Variants in SPAG16 observed in about 807,000 individuals in gnomAD.
The protein encoded by SPAG16 is sperm associated antigen 16, also known as sperm-associated antigen 16 protein.
In SPAG16, 86 loss-of-function variants were observed where a neutral mutation model predicts 80.4. The ratio of observed to expected loss-of-function variants is 1.07; its 90% CI spans 0.90 to 1.28. The LOEUF (loss-of-function observed/expected upper bound fraction) is 1.28, where lower values mean the gene tolerates loss of function less well. Among genes scored for constraint, SPAG16 ranks in the 50% most tolerant of loss-of-function variants. The probability of loss-of-function intolerance (pLI) is 0.00; values close to 1 mark genes in which losing one functional copy is unlikely to be tolerated. For missense variants in SPAG16, 870 were observed against 765.3 expected, an observed-to-expected ratio of 1.14 and a Z score of -1.61; for synonymous variants, 294 against 265.9, an observed-to-expected ratio of 1.11 and a Z score of -1.03.
At chr2:213,773,490 A>G (rs1403772800) in intron 10 of SPAG16, among the ~76,000 whole-genome samples, 3 of 152,184 alleles carry the variant, frequency 2.0e-5, no homozygotes, top group East Asian at 3.8e-4. Flanking sequence ...TGCTCATGGC[A>G]TAATGGTAGT....
intron 10 of SPAG16, among the ~76,000 whole-genome samples, chr2:213,831,229 G>A (rs778422392): frequency 4.0e-5 from 6 of 151,228 alleles, no homozygotes; most frequent in Non-Finnish European, 5.9e-5. Context: ...TAGTAGAGAC[G>A]GGGTTTCACC....
chr2:214,170,179 T>G (rs9753526), intron 15 of SPAG16, among the ~76,000 whole-genome samples: 1 of 123,204 alleles, frequency 8.1e-6, no homozygotes, highest in Non-Finnish European at 1.6e-5. Context: ...GGGATACACA[T>G]ACACTTAGGT....
chr2:213,326,823 A>C (rs965820076), intron 5 of SPAG16, among the ~76,000 whole-genome samples: 3 of 152,028 alleles, frequency 2.0e-5, no homozygotes, highest in Non-Finnish European at 4.4e-5. Context: ...ATTCAAAAAT[A>C]CTTAAAACTG....
chr2:213,663,915 T>C (rs2063511380), intron 10 of SPAG16, among the ~76,000 whole-genome samples: 1 of 152,088 alleles, frequency 6.6e-6, no homozygotes, highest in Non-Finnish European at 1.5e-5. Context: ...TAGTTTTCCA[T>C]TGTCACTGCA....
intron 11 of SPAG16, among the ~76,000 whole-genome samples, chr2:213,903,622 G>C (rs2106134414): frequency 6.6e-6 from 1 of 152,270 alleles, no homozygotes; most frequent in East Asian, 1.9e-4. Context: ...GAAAACCTCT[G>C]ACATGCCCTG....
intron 10 of SPAG16, among the ~76,000 whole-genome samples, chr2:213,567,501 C>G (rs1166607971): frequency 8.5e-6 from 1 of 117,138 alleles, no homozygotes; most frequent in Non-Finnish European, 1.7e-5. Context: ...TTTGTTCTTG[C>G]GATAGTTTAC....
intron 13 of SPAG16, among the ~76,000 whole-genome samples, chr2:214,084,768 T>C (rs918199458): frequency 6.6e-6 from 1 of 152,228 alleles, no homozygotes; most frequent in African/African-American, 2.4e-5. Flanking sequence ...AAAATGTCAA[T>C]GCCATTTCAT....
intron 12 of SPAG16, among the ~76,000 whole-genome samples, chr2:213,946,399 C>CAT (rs2079474375): frequency 3.4e-4 from 51 of 152,162 alleles, no homozygotes; most frequent in African/African-American, 9.4e-4. Context: ...AGGCGTGAGC[C>CAT]ACTGTGCCCG....
chr2:214,019,790 G>C (rs1482535009), intron 13 of SPAG16, among the ~76,000 whole-genome samples: 1 of 152,094 alleles, frequency 6.6e-6, no homozygotes, highest in Non-Finnish European at 1.5e-5. Context: ...ATTTGATTTA[G>C]TAATGTTTAC....
chr2:213,418,491 A>G (rs2069399874), intron 9 of SPAG16, among the ~76,000 whole-genome samples: 1 of 152,152 alleles, frequency 6.6e-6, no homozygotes, highest in South Asian at 2.1e-4. Context: ...TTGGTTTGAT[A>G]ATATGTTTGA....
intron 14 of SPAG16, among the ~76,000 whole-genome samples, chr2:214,143,234 GTTTTTTTTT>G (rs59910884): frequency 8.9e-6 from 1 of 112,670 alleles, no homozygotes; most frequent in Admixed American, 9.6e-5. Context: ...ATAGTTTTGG[GTTTTTTTTT>G]TTTTTTTTTT....
At chr2:214,293,758 G>T (rs986079464) in intron 15 of SPAG16, among the ~76,000 whole-genome samples, 5 of 152,104 alleles carry the variant, frequency 3.3e-5, no homozygotes, top group Non-Finnish European at 7.4e-5. Flanking sequence ...AAAGTTCCTG[G>T]CCTTCCATCT....
rs1201280936 is a variant in SPAG16 at position 213,340,369 on chromosome 2, G to A, written c.644+99G>A. 12 of 838,740 alleles carry A rather than the reference G, an allele frequency of 1.4e-5. No homozygotes were observed. In the East Asian group the frequency reaches 2.5e-4, roughly 17 times the overall value. 52.0% of individuals were successfully genotyped at this position (838,740 alleles called of 1,614,324 possible). A position where few individuals can be genotyped will look rare whatever the true frequency, so the allele number is the denominator to read the frequency against. On this transcript the variant is annotated intron_variant, in intron 6 of 15. Coordinates refer to ENST00000331683, the MANE Select transcript of SPAG16 (RefSeq NM_024532.5). ...TTTTAGACAAAGTTATTAATTCCAC[G>A]GTTATTGAGCATAAGATGAGTAAGT...
At chr2:213,644,115 T>G (rs1401769417) in intron 10 of SPAG16, among the ~76,000 whole-genome samples, 1 of 151,346 alleles carries the variant, frequency 6.6e-6, no homozygotes, top group Admixed American at 6.6e-5. Context: ...CTTGATAAAT[T>G]CTGTTATGAA....
intron 12 of SPAG16, among the ~76,000 whole-genome samples, chr2:213,972,391 G>A (rs865835100): frequency 6.6e-6 from 1 of 152,102 alleles, no homozygotes; most frequent in Non-Finnish European, 1.5e-5. Flanking sequence ...CAAGTTATAG[G>A]CACAGAAAAG....
chr2:214,186,660 A>T (rs1369982088), intron 15 of SPAG16, among the ~76,000 whole-genome samples: 1 of 152,166 alleles, frequency 6.6e-6, no homozygotes, highest in Non-Finnish European at 1.5e-5. Context: ...AATGAATACT[A>T]ACCTGACTAA....
rs1228754124 is a variant in SPAG16, at chr2:214,193,483, A to AT, written c.1720+44218dup. Among the ~76,000 whole-genome samples the AT allele has an allele frequency of 2.0e-5, 3 of 150,170 alleles. No individual in the cohort carries two copies. In the East Asian group the frequency reaches 5.9e-4, roughly 30 times the overall value. On this transcript the variant is annotated intron_variant, in intron 15 of 15. Coordinates refer to ENST00000331683, the MANE Select transcript of SPAG16 (RefSeq NM_024532.5). ...AGAGAAGGGGGTAGAGCTCAAAGCT[A>AT]TGTCTGCCAAGATTTTAGGCAGAAT...
intron 10 of SPAG16, among the ~76,000 whole-genome samples, chr2:213,677,188 A>G (rs2064129195): frequency 6.6e-6 from 1 of 152,152 alleles, no homozygotes; most frequent in Non-Finnish European, 1.5e-5. Flanking sequence ...GACCATCGAG[A>G]CTAGGAAGAA....
At chr2:213,857,249 A>G (rs2075215902) in intron 10 of SPAG16, among the ~76,000 whole-genome samples, 1 of 152,198 alleles carries the variant, frequency 6.6e-6, no homozygotes, top group Non-Finnish European at 1.5e-5. Context: ...TATTCAGCAT[A>G]AACAGCCCTT....
Sources: allele counts gnomAD v4.1 joint callset (sites outside exome capture counted in the v4.1 genomes callset), GRCh38; gene constraint gnomAD v4.1.1; transcripts MANE v1.5; gene names NCBI Gene and HGNC (gene_info 2026-07-23, HGNC 2026-07-21).